SMAP1: variants seen among roughly 807,000 people sequenced by gnomAD.
The protein encoded by SMAP1 is stromal membrane-associated protein 1.
Under a neutral mutation model 58.5 loss-of-function variants are expected in SMAP1, and 24 were observed. That is an observed-to-expected ratio of 0.41 (90% CI 0.30 to 0.58). The LOEUF (loss-of-function observed/expected upper bound fraction) is 0.58. Ranked by LOEUF, SMAP1 falls within the 20% of genes least tolerant of loss-of-function variation. The probability of loss-of-function intolerance (pLI) is 0.29; values close to 1 mark genes in which losing one functional copy is unlikely to be tolerated. For missense variants in SMAP1, 563 were observed against 566.3 expected, an observed-to-expected ratio of 0.99 and a Z score of 0.06; for synonymous variants, 216 against 196.6, an observed-to-expected ratio of 1.10 and a Z score of -0.82.
intron 1 of SMAP1, among the ~76,000 whole-genome samples, chr6:70,673,765 G>GT (rs1174273881): frequency 1.3e-5 from 2 of 152,172 alleles, no homozygotes; most frequent in Non-Finnish European, 2.9e-5. Context: ...TGATCTCGAG[G>GT]TTTTTCCTGA....
In SMAP1 at chr6:70,860,567, A is replaced by G; in HGVS notation, c.*233A>G. 3 of 448,342 alleles carry G rather than the reference A, an allele frequency of 6.7e-6. No individual in the cohort carries two copies. The highest frequency in any genetic ancestry group is 3.4e-5 in the East Asian group (1 of 29,406). The allele number at this position is 448,342 out of a possible 1,614,324, so 27.8% of individuals were successfully genotyped here. ...CTTTGCTCATATTTCCCATGATTTC[A>G]TGTACTGCATTATTTGAGAAGCTGC... On this transcript the variant is annotated 3_prime_UTR_variant, in exon 11 of 11. Transcript: ENST00000370455.
intron 6 of SMAP1, among the ~76,000 whole-genome samples, chr6:70,809,599 C>G (rs1169462870): frequency 6.6e-6 from 1 of 152,176 alleles, no homozygotes; most frequent in African/African-American, 2.4e-5. Flanking sequence ...GATACATTTA[C>G]ACACCCACCA....
chr6:70,846,959 A>G (rs1034274382), intron 7 of SMAP1, among the ~76,000 whole-genome samples: 1 of 152,236 alleles, frequency 6.6e-6, no homozygotes, highest in African/African-American at 2.4e-5. Context: ...TGATCAGAGT[A>G]TCTGGCACAT....
At chr6:70,718,182 C>G (rs181958442) in intron 1 of SMAP1, among the ~76,000 whole-genome samples, 4 of 151,820 alleles carry the variant, frequency 2.6e-5, no homozygotes, top group Non-Finnish European at 1.5e-5. Flanking sequence ...TAAATTTTAT[C>G]TAATGGGTTA....
chr6:70,757,191 A>T (rs1448575835), intron 3 of SMAP1, among the ~76,000 whole-genome samples: 6 of 150,760 alleles, frequency 4.0e-5, no homozygotes, highest in African/African-American at 9.7e-5. Flanking sequence ...ATGGAACAGA[A>T]CAGAGCCCTC....
intron 4 of SMAP1, among the ~76,000 whole-genome samples, chr6:70,776,597 C>A (rs960149718): frequency 6.6e-6 from 1 of 152,180 alleles, no homozygotes; most frequent in Non-Finnish European, 1.5e-5. Flanking sequence ...AAATCGTACT[C>A]CTCCTATCTA....
chr6:70,798,769 G>A (rs546710313), intron 6 of SMAP1, 32 bp downstream of exon 6: 2 of 1,455,764 alleles, frequency 1.4e-6, no homozygotes, highest in African/African-American at 1.4e-5. Context: ...TAATCTATTA[G>A]GATTACCATT....
At chr6:70,846,856 T>C (rs1771008620) in intron 7 of SMAP1, among the ~76,000 whole-genome samples, 1 of 152,144 alleles carries the variant, frequency 6.6e-6, no homozygotes, top group Non-Finnish European at 1.5e-5. Flanking sequence ...CAGTTGAGTT[T>C]TCCGGGTGCA....
At position 70,858,251 on chromosome 6, in the gene SMAP1, G is replaced by A. The variant is rs1176814926; in HGVS notation, c.1269+22G>A. On this transcript the variant is annotated intron_variant, in intron 10 of 10. Coordinates refer to ENST00000370455, the MANE Select transcript of SMAP1 (RefSeq NM_001044305.3). ...ACAGGTAGGGGTCATTTACTTTCTA[G>A]CTTCTCCCAAATCAAACCAGATTTA... 5 of 1,235,906 alleles carry A rather than the reference G, an allele frequency of 4.0e-6. No homozygotes were observed. In the African/African-American group the frequency reaches 6.6e-5, roughly 16 times the overall value. The allele number at this position is 1,235,906 out of a possible 1,614,324, so 76.6% of individuals were successfully genotyped here. A position where few individuals can be genotyped will look rare whatever the true frequency, so the allele number is the denominator to read the frequency against.
At chr6:70,775,921 G>T (rs6455380) in intron 4 of SMAP1, among the ~76,000 whole-genome samples, 75,697 of 151,894 alleles carry the variant, frequency 0.5, 19,198 homozygotes, top group African/African-American at 0.53. Flanking sequence ...ACTAATCTTA[G>T]GTATTACTGA....
chr6:70,722,081 T>C (rs1391558844), intron 1 of SMAP1, among the ~76,000 whole-genome samples: 1 of 152,214 alleles, frequency 6.6e-6, no homozygotes, highest in Non-Finnish European at 1.5e-5. Flanking sequence ...TCATCAATTG[T>C]CACAATAATG....
At chr6:70,710,361 T>C (rs925142162) in intron 1 of SMAP1, among the ~76,000 whole-genome samples, 13 of 151,720 alleles carry the variant, frequency 8.6e-5, no homozygotes, top group Non-Finnish European at 1.6e-4. Context: ...CATGGTGGCA[T>C]GCACCCGTAG....
intron 5 of SMAP1, 47 bp from the exon 6 acceptor site, chr6:70,798,610 C>T: frequency 7.0e-7 from 1 of 1,438,448 alleles, no homozygotes; most frequent in Non-Finnish European, 9.2e-7. Context: ...CAAAAATTGC[C>T]ATTTTTTAAA....
At position 70,791,795 on chromosome 6, in the gene SMAP1, A is replaced by G. The variant is rs770676499; in HGVS notation, c.495+26A>G. The G allele has an allele frequency of 3.8e-6, 6 of 1,581,540 alleles. No individual in the cohort carries two copies. The African/African-American group carries it at 6.7e-5, about 18-fold the overall frequency. Reference sequence around the variant, plus strand: ...GTATGGTCATGTTTTAACCAGCTACATTATGTAGTGTTAAATGGTAAATTA... The same window carrying G: ...GTATGGTCATGTTTTAACCAGCTACGTTATGTAGTGTTAAATGGTAAATTA... On this transcript the variant is annotated intron_variant, in intron 5 of 10. Transcript: ENST00000370455.
At chr6:70,688,937 A>G (rs1767043377) in intron 1 of SMAP1, among the ~76,000 whole-genome samples, 1 of 151,488 alleles carries the variant, frequency 6.6e-6, no homozygotes, top group Admixed American at 6.6e-5. Flanking sequence ...ATCCATTTTG[A>G]GTTGCATTTT....
intron 1 of SMAP1, among the ~76,000 whole-genome samples, chr6:70,695,723 A>G (rs1401020494): frequency 2.6e-5 from 4 of 152,136 alleles, no homozygotes; most frequent in African/African-American, 9.7e-5. Context: ...AGTGTTCATC[A>G]GGATATTGGC....
intron 4 of SMAP1, among the ~76,000 whole-genome samples, chr6:70,775,757 A>C (rs540814248): frequency 6.6e-5 from 10 of 152,334 alleles, no homozygotes; most frequent in African/African-American, 2.4e-4. Context: ...GTACTATTGA[A>C]ATAAAAATGC....
chr6:70,720,619 C>T (rs1183422653), intron 1 of SMAP1, among the ~76,000 whole-genome samples: 3 of 152,236 alleles, frequency 2.0e-5, no homozygotes, highest in Non-Finnish European at 2.9e-5. Flanking sequence ...GGCATCCAGG[C>T]GTTTCCATAC....
At chr6:70,804,237 T>C (rs1769010379) in intron 6 of SMAP1, among the ~76,000 whole-genome samples, 1 of 152,196 alleles carries the variant, frequency 6.6e-6, no homozygotes, top group South Asian at 2.1e-4. Flanking sequence ...TACCGTTATG[T>C]AATGGCTTTC....
Sources: allele counts gnomAD v4.1 joint callset (sites outside exome capture counted in the v4.1 genomes callset), GRCh38; gene constraint gnomAD v4.1.1; transcripts MANE v1.5; gene names NCBI Gene and HGNC (gene_info 2026-07-23, HGNC 2026-07-21).